The following TPRG1 variants were observed in gnomAD, a reference collection of about 807,000 sequenced individuals.
TPRG1 encodes tumor protein p63 regulated 1.
TPRG1 carries 29 observed loss-of-function variants against 29.3 expected under a neutral mutation model. That is an observed-to-expected ratio of 0.99 (90% CI 0.74 to 1.35). TPRG1 has a LOEUF of 1.35. TPRG1 is among the 40% of genes most tolerant of loss of function. The pLI, the probability that TPRG1 is intolerant of heterozygous loss-of-function variation, is 0.00. For missense variants in TPRG1, 327 were observed against 335.0 expected, an observed-to-expected ratio of 0.98 and a Z score of 0.19; for synonymous variants, 130 against 116.8, an observed-to-expected ratio of 1.11 and a Z score of -0.73.
intron 4 of TPRG1, among the ~76,000 whole-genome samples, chr3:189,246,340 C>A (rs1222039377): frequency 1.3e-5 from 2 of 152,084 alleles, no homozygotes; most frequent in Non-Finnish European, 2.9e-5. Context: ...TTGGGTATTT[C>A]TTCATAGCAG....
intron 4 of TPRG1, among the ~76,000 whole-genome samples, chr3:189,254,019 G>A (rs1742681230): frequency 1.3e-5 from 2 of 151,998 alleles, no homozygotes; most frequent in Non-Finnish European, 2.9e-5. Context: ...AAGCTCTTTA[G>A]TTTAATTAGA....
intron 3 of TPRG1, among the ~76,000 whole-genome samples, chr3:189,144,858 C>T (rs926144051): frequency 6.6e-6 from 1 of 152,146 alleles, no homozygotes; most frequent in Non-Finnish European, 1.5e-5. Flanking sequence ...CCTCTTGTGA[C>T]GTGATTGCAC....
intron 4 of TPRG1, among the ~76,000 whole-genome samples, chr3:189,299,847 G>A (rs967688042): frequency 7.9e-5 from 12 of 152,142 alleles, no homozygotes; most frequent in Non-Finnish European, 1.6e-4. Context: ...CTCAGGAAGT[G>A]GAATGGTTTG....
chr3:189,186,575 T>C (rs116367843), intron 1 of TPRG1, among the ~76,000 whole-genome samples: 378 of 152,248 alleles, frequency 2.5e-3, no homozygotes, highest in African/African-American at 7.1e-3. Flanking sequence ...AAAATAAATA[T>C]ATTCCGGCTC....
intron 1 of TPRG1, among the ~76,000 whole-genome samples, chr3:189,200,842 T>C (rs1261915129): frequency 6.6e-6 from 1 of 152,214 alleles, no homozygotes; most frequent in Non-Finnish European, 1.5e-5. Context: ...GTCTGTGTCT[T>C]CTTCAAGATT....
chr3:189,147,170 G>T (rs1299406025), intron 3 of TPRG1, among the ~76,000 whole-genome samples: 1 of 152,208 alleles, frequency 6.6e-6, no homozygotes, highest in Non-Finnish European at 1.5e-5. Flanking sequence ...GAAGAGGAGG[G>T]AAGAGTTATC....
upstream of TPRG1, among the ~76,000 whole-genome samples, chr3:189,170,690 T>C (rs146163769): frequency 6.4e-3 from 972 of 152,350 alleles, 8 homozygotes; most frequent in Non-Finnish European, 0.011. Context: ...TGAGTTAGTA[T>C]ACATGACGTC....
intron 3 of TPRG1, among the ~76,000 whole-genome samples, chr3:189,140,839 G>A (rs1724449273): frequency 6.6e-6 from 1 of 152,058 alleles, no homozygotes; most frequent in Non-Finnish European, 1.5e-5. Flanking sequence ...CCCCTTCCTA[G>A]GCAGACACCT....
chr3:189,035,632 A>G (rs1234839158), intron 4 of TPRG1, among the ~76,000 whole-genome samples: 1 of 152,156 alleles, frequency 6.6e-6, no homozygotes, highest in Non-Finnish European at 1.5e-5. Context: ...ATGAATAGAC[A>G]CTTCTCAAAA....
chr3:189,247,881 T>C lies in TPRG1; in HGVS notation c.479+8972T>C, dbSNP rs1341470456. 1.9e-4 allele frequency among the ~76,000 whole-genome samples: 29 copies of C among 152,104 alleles called. No individual in the cohort carries two copies. The South Asian group carries it at 6.0e-3, about 31-fold the overall frequency. ...AATTAGTATATACTTATTAATATACTATTGAATATTAATATGCTATTGAAT... is the reference window on the plus strand; with the variant it reads ...AATTAGTATATACTTATTAATATACCATTGAATATTAATATGCTATTGAAT... On this transcript the variant is annotated intron_variant, in intron 4 of 5. Coordinates refer to ENST00000345063, the MANE Select transcript of TPRG1 (RefSeq NM_198485.4).
Position 189,280,742 on chromosome 3 carries a change from A to T in TPRG1, c.480-29644A>T, listed in dbSNP as rs538508390. Among the ~76,000 whole-genome samples, 6 of 152,286 alleles carry T rather than the reference A, an allele frequency of 3.9e-5. No individual in the cohort carries two copies. The South Asian group carries it at 1.2e-3, about 32-fold the overall frequency. Reference sequence around the variant, plus strand: ...TATTTCTCTTACCTGAGGCAAATTAATTCACCTCTCTGAGTCTTGGATTTG... The same window carrying T: ...TATTTCTCTTACCTGAGGCAAATTATTTCACCTCTCTGAGTCTTGGATTTG... On this transcript the variant is annotated intron_variant, in intron 4 of 5. Transcript: ENST00000345063.
At chr3:189,289,524 C>T (rs184158322) in intron 4 of TPRG1, among the ~76,000 whole-genome samples, 1 of 152,082 alleles carries the variant, frequency 6.6e-6, no homozygotes, top group Non-Finnish European at 1.5e-5. Flanking sequence ...GGTTGAATCA[C>T]TTGTTGACTA....
At chr3:189,090,416 T>C (rs1244219626) in intron 4 of TPRG1, among the ~76,000 whole-genome samples, 1 of 114,878 alleles carries the variant, frequency 8.7e-6, no homozygotes, top group Non-Finnish European at 1.7e-5. Flanking sequence ...ATATGCAAAG[T>C]GGAAAAAATA....
At chr3:189,018,662 T>C (rs1298139498) in intron 3 of TPRG1, among the ~76,000 whole-genome samples, 3 of 151,202 alleles carry the variant, frequency 2.0e-5, no homozygotes, top group Admixed American at 6.6e-5. Flanking sequence ...AGTCAGGTAG[T>C]GTGATGCCTC....
intron 2 of TPRG1, 29 bp downstream of exon 2, chr3:189,207,623 T>C: frequency 1.2e-6 from 2 of 1,604,396 alleles, no homozygotes; most frequent in Non-Finnish European, 1.7e-6. Flanking sequence ...TTAAATACTA[T>C]ATAAAAATTC....
chr3:189,050,376 C>G (rs1223187723), intron 4 of TPRG1, among the ~76,000 whole-genome samples: 1 of 152,138 alleles, frequency 6.6e-6, no homozygotes, highest in African/African-American at 2.4e-5. Context: ...ACCTTCCTAG[C>G]TTAAATCAGG....
chr3:189,134,536 C>A (rs917622770), intron 3 of TPRG1, among the ~76,000 whole-genome samples: 2 of 151,360 alleles, frequency 1.3e-5, no homozygotes, highest in Admixed American at 6.6e-5. Flanking sequence ...CCTCAGCCTC[C>A]CCAAGTAGGT....
chr3:189,277,236 A>G (rs1716315121), intron 4 of TPRG1, among the ~76,000 whole-genome samples: 1 of 152,186 alleles, frequency 6.6e-6, no homozygotes, highest in African/African-American at 2.4e-5. Context: ...TGATGGGGGT[A>G]AGTCCGTATG....
chr3:189,253,782 T>C (rs184387185), intron 4 of TPRG1, among the ~76,000 whole-genome samples: 1 of 152,266 alleles, frequency 6.6e-6, no homozygotes, highest in African/African-American at 2.4e-5. Flanking sequence ...AACTTTTTAA[T>C]GATCACAATT....
Sources: allele counts gnomAD v4.1 joint callset (sites outside exome capture counted in the v4.1 genomes callset), GRCh38; gene constraint gnomAD v4.1.1; transcripts MANE v1.5; gene names NCBI Gene and HGNC (gene_info 2026-07-23, HGNC 2026-07-21).